EYS: variants seen among roughly 807,000 people sequenced by gnomAD.
EYS encodes the protein protein eyes shut homolog.
Under a neutral mutation model 282.1 loss-of-function variants are expected in EYS, and 250 were observed. The observed-to-expected ratio is 0.89, with a 90% CI of 0.80 to 0.98. The LOEUF is 0.98. EYS is among the 50% of genes least tolerant of loss of function. EYS has a pLI of 0.00. For missense variants in EYS, 4,016 were observed against 3,709.0 expected, an observed-to-expected ratio of 1.08 and a Z score of -2.15; for synonymous variants, 1,355 against 1,282.9, an observed-to-expected ratio of 1.06 and a Z score of -1.20.
chr6:64,513,879 A>G (rs1047716495), intron 26 of EYS, among the ~76,000 whole-genome samples: 1 of 151,846 alleles, frequency 6.6e-6, no homozygotes. Flanking sequence ...ATTTCATTCT[A>G]TCTTTGTAAA....
At chr6:64,269,724 A>C (rs1193097886) in intron 30 of EYS, among the ~76,000 whole-genome samples, 1 of 151,966 alleles carries the variant, frequency 6.6e-6, no homozygotes, top group Non-Finnish European at 1.5e-5. Flanking sequence ...TTGCTATTTG[A>C]AATTCTGAAA....
At chr6:65,693,133 A>G (rs961908394) in intron 1 of EYS, among the ~76,000 whole-genome samples, 12 of 149,906 alleles carry the variant, frequency 8.0e-5, no homozygotes, top group African/African-American at 2.9e-4. Flanking sequence ...AGTCAAATAG[A>G]TTTCATCGCT....
intron 19 of EYS, among the ~76,000 whole-genome samples, chr6:64,834,919 T>C (rs1033837428): frequency 1.3e-5 from 2 of 151,782 alleles, no homozygotes; most frequent in African/African-American, 4.8e-5. Context: ...GGTTGTACTA[T>C]TGAGAGACAG....
intron 12 of EYS, among the ~76,000 whole-genome samples, chr6:65,058,433 G>GTAATTAGCAAATTATTTGAAT (rs1554147201): frequency 2.0e-5 from 3 of 151,398 alleles, no homozygotes; most frequent in Admixed American, 6.6e-5. Context: ...TTACAGACAT[G>GTAATTAGCAAATTATTTGAAT]GGCCACTGAG....
At chr6:65,648,929 G>A (rs1258398035) in intron 1 of EYS, among the ~76,000 whole-genome samples, 38 of 151,680 alleles carry the variant, frequency 2.5e-4, no homozygotes, top group Admixed American at 1.3e-4. Flanking sequence ...GGTAGATCAC[G>A]GGGTCAGGAG....
rs184208680 is a variant in EYS, at chr6:65,616,861, A to G, written c.-333+22917T>C. On this transcript the variant is annotated intron_variant, in intron 2 of 42. Coordinates refer to ENST00000503581, the MANE Select transcript of EYS (RefSeq NM_001142800.2). ...AATAAATACGTATATATCTTAGTTC[A>G]ATATTTTTAATTCAATTGGTGACTG... Among the ~76,000 whole-genome samples the G allele has an allele frequency of 3.9e-5, 6 of 152,286 alleles. No homozygotes were observed. The East Asian group carries it at 1.2e-3, about 29-fold the overall frequency.
At chr6:65,377,211 A>C (rs557833535) in intron 8 of EYS, among the ~76,000 whole-genome samples, 1 of 152,316 alleles carries the variant, frequency 6.6e-6, no homozygotes, top group South Asian at 2.1e-4. Context: ...ATTAAAACTC[A>C]GGATTAAGAA....
intron 12 of EYS, among the ~76,000 whole-genome samples, chr6:65,265,962 T>C (rs574476092): frequency 3.6e-4 from 55 of 151,988 alleles, no homozygotes; most frequent in African/African-American, 1.3e-3. Flanking sequence ...TGAGTACACA[T>C]CTAAAATTTT....
intron 5 of EYS, among the ~76,000 whole-genome samples, chr6:65,475,636 G>C (rs1428645657): frequency 1.3e-5 from 2 of 151,872 alleles, no homozygotes; most frequent in African/African-American, 4.8e-5. Context: ...AAAGTCATTG[G>C]TCAATAACTG....
chr6:65,528,260 A>G (rs1191398555), intron 2 of EYS, among the ~76,000 whole-genome samples: 1 of 152,160 alleles, frequency 6.6e-6, no homozygotes, highest in East Asian at 1.9e-4. Context: ...CTCCAAGGGG[A>G]ACACAGAAAA....
intron 26 of EYS, among the ~76,000 whole-genome samples, chr6:64,498,728 G>T (rs1333978448): frequency 2.0e-5 from 3 of 152,012 alleles, no homozygotes; most frequent in African/African-American, 7.2e-5. Context: ...GTGGTGTTTG[G>T]TTCCTGTGTT....
In EYS at chr6:64,694,378, A is replaced by G. The variant is rs75344006; in HGVS notation, c.3444-68133T>C. ...GATTGAGAGTAAATTCTCAATGCAT[A>G]AGAAGGAAAAAGAATGCCTTTGCAA... On this transcript the variant is annotated intron_variant, in intron 22 of 42. Coordinates refer to ENST00000503581, the MANE Select transcript of EYS (RefSeq NM_001142800.2). Among the ~76,000 whole-genome samples the G allele has an allele frequency of 6.9e-3, 1,058 of 152,308 alleles. 4 individuals carry two copies. Among genetic ancestry groups the G allele is most frequent in the Non-Finnish European group, 9.2e-3 (629 of 68,020 alleles).
chr6:64,181,308 A>C (rs1417443372), intron 31 of EYS, among the ~76,000 whole-genome samples: 1 of 152,136 alleles, frequency 6.6e-6, no homozygotes, highest in Non-Finnish European at 1.5e-5. Context: ...ATTGCAATAA[A>C]GAATTCCTTC....
intron 29 of EYS, among the ~76,000 whole-genome samples, chr6:64,343,623 C>A (rs1771230159): frequency 1.3e-5 from 2 of 152,030 alleles, no homozygotes; most frequent in Non-Finnish European, 2.9e-5. Context: ...CTAAAATGGA[C>A]ACCCTACCAT....
intron 2 of EYS, among the ~76,000 whole-genome samples, chr6:65,573,791 C>G (rs188147566): frequency 8.1e-6 from 1 of 122,788 alleles, no homozygotes; most frequent in Admixed American, 8.3e-5. Context: ...TCTGAAGCTG[C>G]TCTAAACCTG....
At chr6:65,567,264 T>TAC (rs1346491131) in intron 2 of EYS, among the ~76,000 whole-genome samples, 30 of 149,406 alleles carry the variant, frequency 2.0e-4, no homozygotes, top group South Asian at 6.3e-4. Flanking sequence ...TATATATATA[T>TAC]ACATATATAC....
At chr6:64,600,618 T>C (rs186934694) in intron 24 of EYS, among the ~76,000 whole-genome samples, 37 of 152,188 alleles carry the variant, frequency 2.4e-4, no homozygotes, top group Admixed American at 2.2e-3. Flanking sequence ...TTAACAGCAT[T>C]CCTTTTGTTA....
At chr6:65,625,627 G>A (rs1412216421) in intron 2 of EYS, among the ~76,000 whole-genome samples, 1 of 152,108 alleles carries the variant, frequency 6.6e-6, no homozygotes, top group African/African-American at 2.4e-5. Flanking sequence ...TAACATACAT[G>A]TTTTCTATTT....
chr6:65,698,044 G>C (rs561092045), intron 1 of EYS, among the ~76,000 whole-genome samples: 1 of 152,222 alleles, frequency 6.6e-6, no homozygotes, highest in Admixed American at 6.5e-5. Flanking sequence ...TAATATTTAT[G>C]TGTGTCAGGG....
Sources: gnomAD v4.1 joint callset for allele counts (sites outside exome capture counted in the v4.1 genomes callset) on GRCh38, gnomAD v4.1.1 for gene constraint, MANE v1.5 for transcripts, NCBI Gene and HGNC (gene_info 2026-07-23, HGNC 2026-07-21) for gene names.